The following ERC2 variants were observed in gnomAD, a reference collection of about 807,000 sequenced individuals.
ERC2 encodes the protein ERC protein 2.
Under a neutral mutation model 114.8 loss-of-function variants are expected in ERC2, and 42 were observed. The observed-to-expected ratio is 0.37, with a 90% CI of 0.29 to 0.47. ERC2 has a LOEUF of 0.47. ERC2 is among the 20% of genes least tolerant of loss of function. The probability of loss-of-function intolerance (pLI) is 0.99; values close to 1 mark genes in which losing one functional copy is unlikely to be tolerated. For missense variants in ERC2, 939 were observed against 1,150.7 expected (o/e 0.82, Z 2.66); for synonymous variants, 454 against 425.5 (o/e 1.07, Z -0.82).
chr3:55,909,493 T>G (rs191106931), intron 13 of ERC2, among the ~76,000 whole-genome samples: 85 of 152,106 alleles, frequency 5.6e-4, no homozygotes, highest in African/African-American at 2.0e-3. Flanking sequence ...GATGGGGATT[T>G]CTGCCTGCGG....
At chr3:56,087,931 T>G (rs1219398546) in intron 6 of ERC2, among the ~76,000 whole-genome samples, 1 of 152,112 alleles carries the variant, frequency 6.6e-6, no homozygotes, top group Non-Finnish European at 1.5e-5. Flanking sequence ...AAAAATAACC[T>G]AAAATCTAAA....
intron 17 of ERC2, among the ~76,000 whole-genome samples, chr3:55,568,451 A>G (rs1385963032): frequency 6.6e-6 from 1 of 152,194 alleles, no homozygotes; most frequent in Non-Finnish European, 1.5e-5. Context: ...AATCTTCCCC[A>G]TTCTGGATGG....
chr3:55,538,627 G>T (rs1440309029), intron 17 of ERC2, among the ~76,000 whole-genome samples: 1 of 152,166 alleles, frequency 6.6e-6, no homozygotes, highest in East Asian at 1.9e-4. Context: ...GGCATTTTTG[G>T]ATTCACAAAA....
At chr3:56,213,172 G>C (rs1015679001) in intron 3 of ERC2, among the ~76,000 whole-genome samples, 1 of 152,288 alleles carries the variant, frequency 6.6e-6, no homozygotes, top group East Asian at 1.9e-4. Flanking sequence ...GTGGGTGCAG[G>C]ACAGTGGGTG....
At chr3:55,633,230 G>T (rs535317352) in intron 17 of ERC2, among the ~76,000 whole-genome samples, 1 of 152,276 alleles carries the variant, frequency 6.6e-6, no homozygotes, top group East Asian at 1.9e-4. Context: ...AAGGACCTAG[G>T]AACACCCCCA....
intron 15 of ERC2, among the ~76,000 whole-genome samples, chr3:55,708,667 C>A (rs1227231225): frequency 6.6e-6 from 1 of 152,108 alleles, no homozygotes; most frequent in African/African-American, 2.4e-5. Context: ...TGTGCATGGT[C>A]TGTTAGGAGT....
intron 8 of ERC2, among the ~76,000 whole-genome samples, chr3:56,016,896 G>A (rs2073348098): frequency 6.6e-6 from 1 of 151,998 alleles, no homozygotes; most frequent in Non-Finnish European, 1.5e-5. Flanking sequence ...ACTGTAACAG[G>A]GAATATAGGA....
intron 14 of ERC2, among the ~76,000 whole-genome samples, chr3:55,773,179 C>G (rs2068349081): frequency 1.3e-5 from 2 of 152,224 alleles, no homozygotes; most frequent in Admixed American, 1.3e-4. Flanking sequence ...TCCCGTGTGA[C>G]CTGGCTCCTA....
intron 17 of ERC2, among the ~76,000 whole-genome samples, chr3:55,512,575 C>A (rs1291445371): frequency 2.6e-5 from 4 of 152,120 alleles, no homozygotes; most frequent in African/African-American, 9.7e-5. Context: ...AAGAGAAACC[C>A]TAAGTAGTAT....
At chr3:55,550,271 A>G (rs2055076755) in intron 17 of ERC2, among the ~76,000 whole-genome samples, 1 of 152,054 alleles carries the variant, frequency 6.6e-6, no homozygotes, top group Non-Finnish European at 1.5e-5. Context: ...TTCATCTCTC[A>G]TAAAATCATG....
Position 56,139,642 on chromosome 3 carries a change from T to C in ERC2, c.1340A>G (p.Glu447Gly). ...DQLKQELSKKESELLALQTKL... is the reference protein window; with the variant it reads ...DQLKQELSKKGSELLALQTKL... ...TGTTTGTAAGGCAAGAAGTTCCGAC[T>C]CTTTCTTTGAAAGTTCCTGCTTCAG... Residue 447 changes from glutamate (E) to glycine (G), a missense_variant, in exon 6 of 18, where the codon GAG (glutamate) becomes GGG (glycine). By Grantham distance (98) the Glu-to-Gly change is moderately conservative (BLOSUM62 -2). This residue lies in a region of ERC2 where 149 missense variants were observed against 254.6 expected (regional missense o/e 0.59). Coordinates refer to ENST00000288221, the MANE Select transcript of ERC2 (RefSeq NM_015576.3). 1.9e-6 allele frequency: 3 copies of C among 1,609,524 alleles called. No homozygotes were observed. The highest frequency in any genetic ancestry group is 2.5e-6 in the Non-Finnish European group (3 of 1,177,710).
At chr3:55,706,430 C>T (rs2063493488) in intron 15 of ERC2, among the ~76,000 whole-genome samples, 1 of 151,860 alleles carries the variant, frequency 6.6e-6, no homozygotes, top group South Asian at 2.1e-4. Flanking sequence ...CAGAGTCTTG[C>T]CTGTCACCCA....
At chr3:56,452,591 T>TA (rs1418866250) in intron 1 of ERC2, among the ~76,000 whole-genome samples, 1 of 152,236 alleles carries the variant, frequency 6.6e-6, no homozygotes, top group Non-Finnish European at 1.5e-5. Context: ...CATTACATAA[T>TA]AATAATTTAA....
chr3:55,543,809 G>T (rs1376440012), intron 17 of ERC2, among the ~76,000 whole-genome samples: 3 of 152,080 alleles, frequency 2.0e-5, no homozygotes, highest in Non-Finnish European at 2.9e-5. Flanking sequence ...CTGGTTCCTC[G>T]GAACTACAGC....
intron 2 of ERC2, among the ~76,000 whole-genome samples, chr3:56,400,543 C>A (rs1357254175): frequency 6.6e-6 from 1 of 152,110 alleles, no homozygotes; most frequent in African/African-American, 2.4e-5. Flanking sequence ...ACCCTGTGTG[C>A]TGAATATTTT....
chr3:55,870,152 G>A (rs990488577), intron 14 of ERC2, among the ~76,000 whole-genome samples: 11 of 152,026 alleles, frequency 7.2e-5, no homozygotes, highest in Middle Eastern at 3.4e-3. Context: ...TCAGCTCACT[G>A]CAACCTCTGC....
chr3:55,962,759 C>A (rs79664677), intron 12 of ERC2, among the ~76,000 whole-genome samples: 5,102 of 152,306 alleles, frequency 0.033, 162 homozygotes, highest in African/African-American at 0.083. Context: ...GATTCTCAAT[C>A]ATTCTGGCTC....
chr3:56,279,084 T>C (rs1017716637), intron 3 of ERC2, among the ~76,000 whole-genome samples: 1 of 152,194 alleles, frequency 6.6e-6, no homozygotes, highest in African/African-American at 2.4e-5. Context: ...GGGAGAGACA[T>C]ACAGAAACCC....
intron 14 of ERC2, among the ~76,000 whole-genome samples, chr3:55,776,105 C>CT (rs57672006): frequency 4.6e-5 from 7 of 150,814 alleles, no homozygotes; most frequent in East Asian, 1.9e-4. Context: ...CCAACACATA[C>CT]TTTTTTTTTT....
Sources: allele counts gnomAD v4.1 joint callset (sites outside exome capture counted in the v4.1 genomes callset), GRCh38; gene constraint gnomAD v4.1.1; regional missense constraint gnomAD v4.1.1; transcripts MANE v1.5; gene names NCBI Gene and HGNC (gene_info 2026-07-23, HGNC 2026-07-21).